The following PDGFRB variants were observed in gnomAD, a reference collection of about 807,000 sequenced individuals.
The protein encoded by PDGFRB is platelet-derived growth factor receptor beta.
In PDGFRB, 42 loss-of-function variants were observed where a neutral mutation model predicts 120.2. The ratio of observed to expected loss-of-function variants is 0.35; its 90% confidence interval spans 0.27 to 0.45. The LOEUF (loss-of-function observed/expected upper bound fraction) is 0.45, where lower values mean the gene tolerates loss of function less well. PDGFRB is among the 20% of genes least tolerant of loss of function. The pLI is 1.00. For synonymous variants in PDGFRB, 586 were observed against 606.8 expected, an observed-to-expected ratio of 0.97 and a Z score of 0.50; for missense variants, 1,149 against 1,476.3, an observed-to-expected ratio of 0.78 and a Z score of 3.63.
intron 14 of PDGFRB, chr5:150,124,033 T>TG (rs528892675): frequency 5.6e-4 from 220 of 390,246 alleles, no homozygotes; most frequent in African/African-American, 4.1e-3. Flanking sequence ...CTGGGACTGG[T>TG]GACCTGACTA....
intron 22 of PDGFRB, among the ~76,000 whole-genome samples, chr5:150,116,928 C>A (rs1034085314): frequency 1.3e-5 from 2 of 152,114 alleles, no homozygotes; most frequent in Non-Finnish European, 2.9e-5. Context: ...GGGACAGTAC[C>A]CCAGCCTGGG....
chr5:150,131,900 G>T, intron 8 of PDGFRB, 79 bp downstream of exon 8: 1 of 746,654 alleles, frequency 1.3e-6, no homozygotes, highest in Non-Finnish European at 2.4e-6. Context: ...CCATGGGTGG[G>T]TGGACAGTGC....
chr5:150,133,247 C>G (rs1411458358), intron 6 of PDGFRB, among the ~76,000 whole-genome samples: 1 of 152,120 alleles, frequency 6.6e-6, no homozygotes, highest in Non-Finnish European at 1.5e-5. Flanking sequence ...ATGGGGCTTC[C>G]CGGACCTGGG....
In PDGFRB at chr5:150,135,717, C is replaced by T. The variant is rs1760609426; in HGVS notation, c.202G>A (p.Glu68Lys). The T allele has an allele frequency of 6.2e-7, 1 of 1,614,010 alleles. No homozygotes were observed. Among genetic ancestry groups the T allele is most frequent in the Non-Finnish European group, 8.5e-7 (1 of 1,180,006 alleles). ...GCCTTGGCCATTTCCTGTGGGGGCT[C>T]CTGGGACATCCGTTCCCACACCACC... ...APVVWERMSQEPPQEMAKAQD... is the reference protein window; with the variant it reads ...APVVWERMSQKPPQEMAKAQD... The change falls in exon 3 of 23, where the codon GAG becomes AAG. Residue 68 changes from glutamate to lysine, a missense_variant. Glu to Lys is a moderately conservative substitution (Grantham distance 56, BLOSUM62 1). This residue lies in a region of PDGFRB where 879 missense variants were observed against 1,108.6 expected (regional missense o/e 0.79). Transcript: ENST00000261799.
chr5:150,144,628 G>T lies in PDGFRB; in HGVS notation c.-6-7575C>A, dbSNP rs992176371. Among the ~76,000 whole-genome samples the T allele has an allele frequency of 8.5e-5, 13 of 152,372 alleles. No homozygotes were observed. The South Asian group carries it at 2.7e-3, about 32-fold the overall frequency. ...CCCGTCAGAGTGCCTGTGCTTGGGGGTGGGGGCAGCGATGCGGCTGGCTAC... is the reference window on the plus strand; with the variant it reads ...CCCGTCAGAGTGCCTGTGCTTGGGGTTGGGGGCAGCGATGCGGCTGGCTAC... On this transcript the variant is annotated intron_variant, in intron 1 of 22. Transcript: ENST00000261799.
At chr5:150,128,100 C>T (rs75470962) in intron 10 of PDGFRB, among the ~76,000 whole-genome samples, 1 of 152,204 alleles carries the variant, frequency 6.6e-6, no homozygotes, top group Non-Finnish European at 1.5e-5. Flanking sequence ...GGGAAGGAAG[C>T]CTGCATCTTC....
chr5:150,141,775 C>T (rs750133013), intron 1 of PDGFRB, among the ~76,000 whole-genome samples: 4 of 151,996 alleles, frequency 2.6e-5, no homozygotes, highest in Admixed American at 6.6e-5. Context: ...TGTGTACACG[C>T]GCACGTGCTG....
chr5:150,118,925 G>A, intron 20 of PDGFRB, 73 bp from the exon 21 acceptor site: 4 of 863,750 alleles, frequency 4.6e-6, no homozygotes, highest in South Asian at 1.5e-5. Context: ...GGGAGCAGGA[G>A]GCTGCTGCCT....
Position 150,114,703 on chromosome 5 carries a change from A to G in PDGFRB, c.*1060T>C, listed in dbSNP as rs1396783205. The G allele has an allele frequency of 8.1e-5, 19 of 233,496 alleles. No individual in the cohort carries two copies. Among genetic ancestry groups the G allele is most frequent in the Non-Finnish European group, 1.4e-4 (16 of 117,992 alleles). 14.5% of individuals were successfully genotyped at this position (233,496 alleles called of 1,614,324 possible). ...GAGCCCAGCTGACCCCCAGGATGGA[A>G]GTTTAGGGTATATGGCCTTGCTTCA... On this transcript the variant is annotated 3_prime_UTR_variant, in exon 23 of 23. Transcript: ENST00000261799.
chr5:150,133,699 G>C lies in PDGFRB; in HGVS notation c.821C>G (p.Ser274Cys), dbSNP rs1476817374. Residue 274 changes from serine (S) to cysteine (C), a missense_variant, in exon 6 of 23, where the codon TCC becomes TGC. Physicochemically the swap from Ser to Cys is moderately radical, Grantham distance 112 (BLOSUM62 -1). Coordinates refer to ENST00000261799, the MANE Select transcript of PDGFRB (RefSeq NM_002609.4). ...FLLDMPYHIRSILHIPSAELE... is the reference protein window; with the variant it reads ...FLLDMPYHIRCILHIPSAELE... ...CTCGGCACTGGGGATGTGCAGGATGGAGCGGATGTGGTAAGGCATATCCAA... is the reference window on the plus strand; with the variant it reads ...CTCGGCACTGGGGATGTGCAGGATGCAGCGGATGTGGTAAGGCATATCCAA... 2 of 1,614,066 alleles carry C rather than the reference G, an allele frequency of 1.2e-6. No individual in the cohort carries two copies. The highest frequency in any genetic ancestry group is 2.2e-5 in the South Asian group (2 of 91,082).
intron 14 of PDGFRB, 74 bp downstream of exon 14, chr5:150,124,176 A>AGG: frequency 2.1e-6 from 2 of 965,372 alleles, no homozygotes; most frequent in Non-Finnish European, 3.2e-6. Flanking sequence ...GCAAGGCCTG[A>AGG]GGGGGGGGTA....
intron 1 of PDGFRB, among the ~76,000 whole-genome samples, chr5:150,148,008 C>T (rs571122095): frequency 1.1e-4 from 16 of 152,262 alleles, no homozygotes; most frequent in Middle Eastern, 6.8e-3. Context: ...ATAAATGAGA[C>T]GGTGCAAGAA....
At chr5:150,127,584 C>G (rs1390748531) in intron 10 of PDGFRB, among the ~76,000 whole-genome samples, 3 of 152,060 alleles carry the variant, frequency 2.0e-5, no homozygotes, top group Non-Finnish European at 4.4e-5. Context: ...GCCTGTAATC[C>G]CAGCACTTTG....
chr5:150,128,633 T>C (rs1048322594), intron 10 of PDGFRB, among the ~76,000 whole-genome samples: 1 of 152,268 alleles, frequency 6.6e-6, no homozygotes, highest in African/African-American at 2.4e-5. Flanking sequence ...ACACAGGCCA[T>C]TCCCTCTGAG....
chr5:150,130,757 G>T (rs1760443346), intron 8 of PDGFRB, 95 bp from the exon 9 acceptor site: 4 of 1,060,350 alleles, frequency 3.8e-6, no homozygotes, highest in South Asian at 2.7e-5. Context: ...GACTCTCTTG[G>T]GGGAGGAGGG....
In PDGFRB at chr5:150,117,697, C is replaced by T. The variant is rs909165088; in HGVS notation, c.3058G>A (p.Asp1020Asn). The change falls in exon 22 of 23, where the codon GAC (aspartate) becomes AAC (asparagine). Residue 1020 changes from aspartate to asparagine, a missense_variant. By Grantham distance (23) the Asp-to-Asn change is conservative. Coordinates refer to ENST00000261799, the MANE Select transcript of PDGFRB (RefSeq NM_002609.4). Reference protein sequence around the residue: ...TAVQPNEGDNDYIIPLPDPKP... With the variant: ...TAVQPNEGDNNYIIPLPDPKP... ...GGGTCAGGCAGGGGGATGATATAGT[C>T]GTTGTCACCCTCATTGGGCTGCACG... 9.3e-6 allele frequency: 15 copies of T among 1,613,674 alleles called. No homozygotes were observed. Among genetic ancestry groups the T allele is most frequent in the Middle Eastern group, 1.6e-4 (1 of 6,084 alleles).
chr5:150,123,496 C>T lies in PDGFRB; in HGVS notation c.2024-295G>A, dbSNP rs55943036. Among the ~76,000 whole-genome samples the T allele has an allele frequency of 0.061, 9,312 of 152,190 alleles. 348 individuals carry two copies. The highest frequency in any genetic ancestry group is 0.096 in the South Asian group (462 of 4,820). ...TTATTGGCTGGGCACGTGGCGAGCT[C>T]GCAGTGTTGGCTCTTATTGATATGT... On this transcript the variant is annotated intron_variant, in intron 14 of 22. Transcript: ENST00000261799.
At chr5:150,154,512 C>G (rs1024063522) in intron 1 of PDGFRB, among the ~76,000 whole-genome samples, 2 of 152,140 alleles carry the variant, frequency 1.3e-5, no homozygotes, top group Non-Finnish European at 2.9e-5. Context: ...AGCACAGTTG[C>G]GGCGTGCAGT....
chr5:150,133,005 A>T, intron 6 of PDGFRB, 63 bp from the exon 7 acceptor site: 5 of 1,208,824 alleles, frequency 4.1e-6, no homozygotes, highest in Non-Finnish European at 4.7e-6. Context: ...ATCCCAAAGG[A>T]GGCCAGCCTG....
Sources: gnomAD v4.1 joint callset for allele counts (sites outside exome capture counted in the v4.1 genomes callset) on GRCh38, gnomAD v4.1.1 for gene constraint, gnomAD v4.1.1 regional missense constraint, MANE v1.5 for transcripts, NCBI Gene and HGNC (gene_info 2026-07-23, HGNC 2026-07-21) for gene names.